Variants in ICE1 observed in about 807,000 individuals in gnomAD.
ICE1 encodes little elongation complex subunit 1.
In ICE1, 64 loss-of-function variants were observed where a neutral mutation model predicts 192.7. The observed-to-expected ratio is 0.33, with a 90% CI of 0.27 to 0.41. ICE1 has a LOEUF of 0.41. Among genes scored for constraint, ICE1 ranks in the 10% least tolerant of loss-of-function variants. The probability of loss-of-function intolerance (pLI) is 1.00; values close to 1 mark genes in which losing one functional copy is unlikely to be tolerated. For synonymous variants in ICE1, 1,010 were observed against 984.5 expected (o/e 1.03, Z -0.49); for missense variants, 2,708 against 2,696.0 (o/e 1.00, Z -0.10).
At chr5:5,454,351 C>T (rs1221032035) in intron 10 of ICE1, among the ~76,000 whole-genome samples, 4 of 152,058 alleles carry the variant, frequency 2.6e-5, no homozygotes, top group African/African-American at 9.7e-5. Flanking sequence ...ACAAAAGTAC[C>T]TTCAGCCTTC....
chr5:5,430,110 C>T (rs760329024), intron 1 of ICE1, among the ~76,000 whole-genome samples: 1 of 152,182 alleles, frequency 6.6e-6, no homozygotes, highest in South Asian at 2.1e-4. Flanking sequence ...CTTAGTATCT[C>T]CTGGAGAGGA....
rs373130351 is a variant in ICE1 at position 5,462,548 on chromosome 5, T to C, written c.3214T>C (p.Ser1072Pro). 130 of 1,613,934 alleles carry C rather than the reference T, an allele frequency of 8.1e-5. No homozygotes were observed. The highest frequency in any genetic ancestry group is 1.7e-4 in the Admixed American group (10 of 60,010). Residue 1072 changes from serine to proline, a missense_variant, in exon 13 of 19, where the codon TCT becomes CCT. Physicochemically the swap from Ser to Pro is moderately conservative, Grantham distance 74. This residue lies in a region of ICE1 where 2,366 missense variants were observed against 2,276.6 expected (regional missense o/e 1.04). Transcript: ENST00000296564. ...ECFGTTDTTFSSAFCRKHGET... is the reference protein window; with the variant it reads ...ECFGTTDTTFPSAFCRKHGET... ...TTTTGGCACCACAGACACTACTTTT[T>C]CTTCAGCATTTTGCAGAAAACATGG... is the stretch of plus-strand genomic sequence containing the variant.
intron 1 of ICE1, among the ~76,000 whole-genome samples, chr5:5,423,451 C>CG (rs11448235): frequency 0.95 from 144,297 of 152,254 alleles, 68,480 homozygotes; most frequent in African/African-American, 0.99. Flanking sequence ...TTGTCTGAGT[C>CG]TTAGACTCGA....
Position 5,489,774 on chromosome 5 carries a change from A to G in ICE1, c.*444A>G, listed in dbSNP as rs1171866756. On this transcript the variant is annotated 3_prime_UTR_variant, in exon 19 of 19. Transcript: ENST00000296564. ...GGAAAAAATAAATTGGCAAAAACCT[A>G]GAGTTTTCTGCTATCTTTGCTGGAA... 1 of 152,844 alleles carries G rather than the reference A, an allele frequency of 6.5e-6. No individual in the cohort carries two copies. Among genetic ancestry groups the G allele is most frequent in the Non-Finnish European group, 1.5e-5 (1 of 68,492 alleles). The allele number at this position is 152,844 out of a possible 1,614,324, so 9.5% of individuals were successfully genotyped here.
Position 5,462,845 on chromosome 5 carries a change from T to C in ICE1, c.3511T>C (p.Ser1171Pro). The change falls in exon 13 of 19, where the codon TCC becomes CCC. Residue 1171 changes from serine to proline, a missense_variant. Ser to Pro is a moderately conservative substitution (Grantham distance 74, BLOSUM62 -1). Around this residue, in one of 2 missense-constraint regions of ICE1, gnomAD observed 2,366 missense variants for 2,276.6 expected, o/e 1.04. Coordinates refer to ENST00000296564, the MANE Select transcript of ICE1 (RefSeq NM_015325.3). ...TACTTTTTCTGAGCTGGATAGACTT[T>C]CCACATCAGAGGTTGTGATGTTTCT... ...ISTFSELDRLSTSEVVMFLES... is the reference protein window; with the variant it reads ...ISTFSELDRLPTSEVVMFLES... 6.2e-7 allele frequency: 1 copy of C among 1,609,542 alleles called. No homozygotes were observed. Among genetic ancestry groups the C allele is most frequent in the Non-Finnish European group, 8.5e-7 (1 of 1,177,596 alleles).
Position 5,462,668 on chromosome 5 carries a change from G to T in ICE1, c.3334G>T (p.Glu1112Ter). The T allele has an allele frequency of 6.2e-7, 1 of 1,613,952 alleles. No homozygotes were observed. ...EGGDDTEVESEAFSCSEGSEQ... is the reference protein window; with the variant it reads ...EGGDDTEVES ...GGGAGACGACACTGAGGTAGAGAGT[G>T]AGGCATTTAGCTGCAGTGAGGGGAG... Residue 1112 changes from glutamate (E) to a stop codon, truncating the protein, a stop_gained, in exon 13 of 19, where the codon GAG becomes TAG. Coordinates refer to ENST00000296564, the MANE Select transcript of ICE1 (RefSeq NM_015325.3). LOFTEE classifies it high-confidence loss of function.
In ICE1 at chr5:5,461,097, TATC is replaced by T. The variant is rs1203677534; in HGVS notation, c.1764_1766del (p.Ser589del). On this transcript the variant is annotated inframe_deletion, in exon 13 of 19. Coordinates refer to ENST00000296564, the MANE Select transcript of ICE1 (RefSeq NM_015325.3). Reference sequence around the variant, plus strand: ...ACAGTTTCTGGCCATTTTCACAGACTATCTAGAGAATTGGAAAAGGAAAAAGAA... The same window carrying T: ...ACAGTTTCTGGCCATTTTCACAGACTTAGAGAATTGGAAAAGGAAAAAGAA... 2 of 1,613,954 alleles carry T rather than the reference TATC, an allele frequency of 1.2e-6. No individual in the cohort carries two copies. The highest frequency in any genetic ancestry group is 2.7e-5 in the African/African-American group (2 of 74,950).
chr5:5,488,341 C>T (rs149071092), intron 18 of ICE1, among the ~76,000 whole-genome samples: 1,815 of 152,274 alleles, frequency 0.012, 21 homozygotes, highest in Middle Eastern at 0.044. Flanking sequence ...TTCAGATTTT[C>T]TTGGATTTTG....
intron 17 of ICE1, among the ~76,000 whole-genome samples, chr5:5,477,512 A>G (rs1451472648): frequency 1.3e-5 from 2 of 152,218 alleles, no homozygotes; most frequent in South Asian, 4.1e-4. Flanking sequence ...TACAAACCAA[A>G]AAAGCCCAGA....
At chr5:5,480,829 C>T (rs1158198001) in intron 17 of ICE1, among the ~76,000 whole-genome samples, 1 of 152,138 alleles carries the variant, frequency 6.6e-6, no homozygotes, top group African/African-American at 2.4e-5. Flanking sequence ...GATAAGTTAC[C>T]AAACAAGAGT....
rs756084626 is a variant in ICE1, at chr5:5,462,167, C to A, written c.2833C>A (p.Pro945Thr). ...TTTTAATTCTCCAGGTGGTTCTTCA[C>A]CAGTAGAAAATTCTGATTGTTCCAC... ...LDFNSPGGSSPVENSDCSTNS... is the reference protein window; with the variant it reads ...LDFNSPGGSSTVENSDCSTNS... The change falls in exon 13 of 19, where the codon CCA becomes ACA. Residue 945 changes from proline to threonine, a missense_variant. Around this residue, in one of 2 missense-constraint regions of ICE1, gnomAD observed 2,366 missense variants for 2,276.6 expected, o/e 1.04. Coordinates refer to ENST00000296564, the MANE Select transcript of ICE1 (RefSeq NM_015325.3). 6.2e-7 allele frequency: 1 copy of A among 1,613,190 alleles called. No individual in the cohort carries two copies. The highest frequency in any genetic ancestry group is 8.5e-7 in the Non-Finnish European group (1 of 1,179,366).
chr5:5,481,584 T>C (rs1421485628), intron 17 of ICE1, among the ~76,000 whole-genome samples: 1 of 152,184 alleles, frequency 6.6e-6, no homozygotes, highest in Non-Finnish European at 1.5e-5. Flanking sequence ...GTTCTGATAG[T>C]GTTAGAGTAG....
chr5:5,439,362 A>G (rs139112804), intron 3 of ICE1, among the ~76,000 whole-genome samples: 178 of 152,246 alleles, frequency 1.2e-3, no homozygotes, highest in African/African-American at 4.0e-3. Flanking sequence ...GTTTTTTGCT[A>G]TCTTAGAATA....
At chr5:5,442,408 A>G (rs577028576) in intron 5 of ICE1, among the ~76,000 whole-genome samples, 5 of 152,318 alleles carry the variant, frequency 3.3e-5, no homozygotes, top group Admixed American at 6.5e-5. Flanking sequence ...AATTCTTACT[A>G]TATGTATAAC....
At chr5:5,465,748 T>C (rs1253538192) in intron 13 of ICE1, among the ~76,000 whole-genome samples, 4 of 152,232 alleles carry the variant, frequency 2.6e-5, no homozygotes, top group Non-Finnish European at 5.9e-5. Flanking sequence ...ACTTAGTGCT[T>C]ATCTGCAGAC....
At chr5:5,454,721 T>G in intron 11 of ICE1, 83 bp downstream of exon 11, 1 of 882,180 alleles carries the variant, frequency 1.1e-6, no homozygotes. Context: ...TACTTTTTAA[T>G]AGCTCCTGAT....
chr5:5,430,100 C>T (rs906504108), intron 1 of ICE1, among the ~76,000 whole-genome samples: 2 of 152,146 alleles, frequency 1.3e-5, no homozygotes, highest in African/African-American at 4.8e-5. Context: ...GGAAACAACC[C>T]TTAGTATCTC....
At position 5,483,705 on chromosome 5, in the gene ICE1, T is replaced by C. The variant is rs79516220; in HGVS notation, c.6521-3016T>C. ...GTAAATCTGTAGAATACCACCTTTC[T>C]GCCCCAAAGAGCTTATAAAATCCTG... On this transcript the variant is annotated intron_variant, in intron 17 of 18. Transcript: ENST00000296564. Among the ~76,000 whole-genome samples the C allele has an allele frequency of 2.0e-5, 3 of 152,310 alleles. No individual in the cohort carries two copies. The East Asian group carries it at 5.8e-4, about 29-fold the overall frequency.
In ICE1 at chr5:5,454,645, G is replaced by A. The variant is rs1738534402; in HGVS notation, c.691+7G>A. On this transcript the variant is annotated splice_region_variant and intron_variant, in intron 11 of 18. Transcript: ENST00000296564. ...GGCAGCAGGTGTGTCCCAGGTGAGA[G>A]AGAAGCTTACAGAAACCGATTTCAT... is the stretch of plus-strand genomic sequence containing the variant. 6.2e-7 allele frequency: 1 copy of A among 1,611,202 alleles called. No individual in the cohort carries two copies. Among genetic ancestry groups the A allele is most frequent in the South Asian group, 1.1e-5 (1 of 90,862 alleles).
Sources: allele counts gnomAD v4.1 joint callset (sites outside exome capture counted in the v4.1 genomes callset), GRCh38; gene constraint gnomAD v4.1.1; regional missense constraint gnomAD v4.1.1; transcripts MANE v1.5; gene names NCBI Gene and HGNC (gene_info 2026-07-23, HGNC 2026-07-21).